Variants in CACNA1I observed in about 807,000 individuals in gnomAD.
CACNA1I encodes the protein voltage-dependent T-type calcium channel subunit alpha-1I.
A neutral mutation model predicts 201.6 loss-of-function variants in CACNA1I; 74 were observed. That is an observed-to-expected ratio of 0.37 (90% CI 0.30 to 0.45). The LOEUF (loss-of-function observed/expected upper bound fraction) is 0.45, where lower values mean the gene tolerates loss of function less well. Ranked by LOEUF, CACNA1I falls within the 20% of genes least tolerant of loss-of-function variation. The probability of loss-of-function intolerance (pLI) is 1.00; values close to 1 mark genes in which losing one functional copy is unlikely to be tolerated. For synonymous variants in CACNA1I, 1,431 were observed against 1,345.2 expected (o/e 1.06, Z -1.40); for missense variants, 2,346 against 3,138.1 (o/e 0.75, Z 6.03).
chr22:39,601,081 C>T (rs1419594429), intron 3 of CACNA1I, among the ~76,000 whole-genome samples: 1 of 152,228 alleles, frequency 6.6e-6, no homozygotes, highest in Non-Finnish European at 1.5e-5. Context: ...GTGGTTATTT[C>T]TACCGAGACA....
At chr22:39,576,964 T>A (rs562472118) in intron 1 of CACNA1I, among the ~76,000 whole-genome samples, 1 of 152,112 alleles carries the variant, frequency 6.6e-6, no homozygotes, top group East Asian at 1.9e-4. Context: ...CTTCTTCTTT[T>A]TTTTTGAGAC....
rs573776488 is a variant in CACNA1I at position 39,666,930 on chromosome 22, GC to G, written c.4104+927del. Among the ~76,000 whole-genome samples, 452 of 152,328 alleles carry G rather than the reference GC, an allele frequency of 3.0e-3. 4 individuals carry two copies. Among genetic ancestry groups the G allele is most frequent in the Non-Finnish European group, 5.0e-3 (341 of 68,026 alleles). On this transcript the variant is annotated intron_variant, in intron 23 of 36. Coordinates refer to ENST00000402142, the MANE Select transcript of CACNA1I (RefSeq NM_021096.4). This position sits in a 1 kb window ranked among gnomAD's most constrained non-coding sequence, Gnocchi z 4.1. ...GGGGAACCAGCCAGCGGCCTTTTGT[GC>G]CCGTGCTCCTGACCCCCTTCACCTA... is the stretch of plus-strand genomic sequence containing the variant.
At chr22:39,623,989 C>T (rs62636244) in intron 4 of CACNA1I, among the ~76,000 whole-genome samples, 55,963 of 140,506 alleles carry the variant, frequency 0.4, 11,349 homozygotes, top group East Asian at 0.9. Flanking sequence ...GGTGTGTGTG[C>T]GCCTCTGAAC....
chr22:39,630,482 G>A (rs1370937545), intron 4 of CACNA1I, among the ~76,000 whole-genome samples: 1 of 152,176 alleles, frequency 6.6e-6, no homozygotes, highest in African/African-American at 2.4e-5. Flanking sequence ...CTTGCTGAGT[G>A]GCTCCATTCA....
At chr22:39,616,852 C>A (rs1313755661) in intron 3 of CACNA1I, among the ~76,000 whole-genome samples, 1 of 152,034 alleles carries the variant, frequency 6.6e-6, no homozygotes, top group Non-Finnish European at 1.5e-5. Flanking sequence ...CAGTCTTGTC[C>A]CCCAGCCTAT....
At chr22:39,679,906 G>A in intron 33 of CACNA1I, 38 bp downstream of exon 33, 1 of 1,590,990 alleles carries the variant, frequency 6.3e-7, no homozygotes. Flanking sequence ...CTTGTGGCAG[G>A]GGCAGCACGA....
intron 4 of CACNA1I, among the ~76,000 whole-genome samples, chr22:39,630,316 T>G (rs1483840946): frequency 6.6e-6 from 1 of 152,224 alleles, no homozygotes; most frequent in East Asian, 1.9e-4. Flanking sequence ...GTATCACCCA[T>G]GTGGTTTATT....
chr22:39,602,597 A>G (rs185344496), intron 3 of CACNA1I, among the ~76,000 whole-genome samples: 352 of 152,076 alleles, frequency 2.3e-3, no homozygotes, highest in Non-Finnish European at 3.5e-3. Flanking sequence ...TCATTTTTCA[A>G]TCTTGCCTGT....
intron 3 of CACNA1I, among the ~76,000 whole-genome samples, chr22:39,610,550 A>C (rs1419376702): frequency 6.6e-6 from 1 of 152,184 alleles, no homozygotes; most frequent in Non-Finnish European, 1.5e-5. Flanking sequence ...CTCTGGCCAC[A>C]GGCTGAGGTG....
chr22:39,578,955 C>G (rs1325606255), intron 1 of CACNA1I, among the ~76,000 whole-genome samples: 8 of 152,206 alleles, frequency 5.3e-5, no homozygotes, highest in African/African-American at 9.6e-5. Flanking sequence ...ACCCCACCAG[C>G]CCCACAAGCC....
At position 39,649,557 on chromosome 22, in the gene CACNA1I, A is replaced by G. The variant is rs938411510; in HGVS notation, c.1624A>G (p.Ile542Val). Residue 542 changes from isoleucine to valine, a missense_variant, in exon 10 of 37, where the codon ATC becomes GTC. Around this residue, in one of 13 missense-constraint regions of CACNA1I, gnomAD observed 312 missense variants for 331.5 expected, o/e 0.94. Coordinates refer to ENST00000402142, the MANE Select transcript of CACNA1I (RefSeq NM_021096.4). This position sits in a 1 kb window ranked among gnomAD's most constrained non-coding sequence, Gnocchi z 7.3. ...GACGCCCCACACCCTGGTGCAGCCC[A>G]TCCCCGCCACGCTGGCTTCCGATCC... is the stretch of plus-strand genomic sequence containing the variant. The part of the protein sequence containing the change: ...DATPHTLVQP[I>V]PATLASDPAS... The G allele has an allele frequency of 2.6e-6, 4 of 1,550,080 alleles. No individual in the cohort carries two copies. The African/African-American group carries it at 4.1e-5, about 16-fold the overall frequency.
chr22:39,644,499 T>C (rs73885298), intron 7 of CACNA1I, among the ~76,000 whole-genome samples: 1,559 of 152,246 alleles, frequency 0.01, 20 homozygotes, highest in African/African-American at 0.035. Context: ...CGATGAGTGC[T>C]GGCGAGAGGC....
rs530634195 is a variant in CACNA1I, at chr22:39,660,547, C to T, written c.2698+110C>T. ...ACCTCAAGCCCAGGCTCAGGGACTG[C>T]TACTTATCTATGGTTTGTTGTTTAC... On this transcript the variant is annotated intron_variant, in intron 15 of 36. Transcript: ENST00000402142. The T allele has an allele frequency of 3.7e-5, 24 of 642,106 alleles. No homozygotes were observed. In the East Asian group the frequency reaches 6.7e-4, roughly 18 times the overall value. The allele number at this position is 642,106 out of a possible 1,614,324, so 39.8% of individuals were successfully genotyped here. A position where few individuals can be genotyped will look rare whatever the true frequency, so the allele number is the denominator to read the frequency against.
chr22:39,675,342 G>A (rs766620463), intron 29 of CACNA1I, among the ~76,000 whole-genome samples: 6 of 152,092 alleles, frequency 3.9e-5, no homozygotes, highest in Non-Finnish European at 8.8e-5. Context: ...GATGGTGAGT[G>A]TGTGGCTCGG....
At chr22:39,669,797 A>G (rs2146462747) in intron 24 of CACNA1I, among the ~76,000 whole-genome samples, 1 of 152,298 alleles carries the variant, frequency 6.6e-6, no homozygotes, top group Middle Eastern at 3.4e-3. Context: ...AAGAAGACAG[A>G]TGTTTCCAGG....
intron 34 of CACNA1I, 134 bp downstream of exon 34, chr22:39,681,186 G>A: frequency 9.7e-7 from 1 of 1,034,194 alleles, no homozygotes; most frequent in Non-Finnish European, 1.4e-6. Context: ...TTCATCTCCT[G>A]TTGGACAGAT....
At position 39,662,095 on chromosome 22, in the gene CACNA1I, G is replaced by T; in HGVS notation, c.3032G>T (p.Arg1011Leu). 1.3e-6 allele frequency: 2 copies of T among 1,527,390 alleles called. No homozygotes were observed. The highest frequency in any genetic ancestry group is 1.8e-4 in the Middle Eastern group (1 of 5,646). The allele number at this position is 1,527,390 out of a possible 1,614,324, so 94.6% of individuals were successfully genotyped here. Residue 1011 changes from arginine to leucine, a missense_variant, in exon 17 of 37, where the codon CGC (arginine) becomes CTC (leucine). Coordinates refer to ENST00000402142, the MANE Select transcript of CACNA1I (RefSeq NM_021096.4). ...AEHESLLSAE[R>L]GGGARVCEVA... is the part of the protein sequence containing the mutation. Reference sequence around the variant, plus strand: ...CATGAGTCCCTGCTCTCTGCGGAGCGCGGCGGCGGCGCCCGGGTCTGCGAG... The same window carrying T: ...CATGAGTCCCTGCTCTCTGCGGAGCTCGGCGGCGGCGCCCGGGTCTGCGAG...
chr22:39,670,833 A>G lies in CACNA1I; in HGVS notation c.4418A>G (p.Tyr1473Cys). Residue 1473 changes from tyrosine to cysteine, a missense_variant, in exon 26 of 37, where the codon TAT becomes TGT. This residue lies in a region of CACNA1I where 228 missense variants were observed against 395.7 expected (regional missense o/e 0.58). Coordinates refer to ENST00000402142, the MANE Select transcript of CACNA1I (RefSeq NM_021096.4). ...CAGCGGCTGCCCTACTATGCCACCT[A>G]TTGTCACACCCGGCTGCTCATCCAC... ...KAQRLPYYATYCHTRLLIHSM... is the reference protein window; with the variant it reads ...KAQRLPYYATCCHTRLLIHSM... 6.2e-7 allele frequency: 1 copy of G among 1,613,618 alleles called. No individual in the cohort carries two copies. The highest frequency in any genetic ancestry group is 8.5e-7 in the Non-Finnish European group (1 of 1,179,792).
At position 39,609,639 on chromosome 22, in the gene CACNA1I, A is replaced by C. The variant is rs140421444; in HGVS notation, c.482+8986A>C. Among the ~76,000 whole-genome samples, 39 of 152,344 alleles carry C rather than the reference A, an allele frequency of 2.6e-4. No homozygotes were observed. In the East Asian group the frequency reaches 7.5e-3, roughly 29 times the overall value. On this transcript the variant is annotated intron_variant, in intron 3 of 36. Coordinates refer to ENST00000402142, the MANE Select transcript of CACNA1I (RefSeq NM_021096.4). ...CCGGGATCCTTCCCTTCCCTAGTGCATTTGGCCAGAACTGGGTCTGATGGA... is the reference window on the plus strand; with the variant it reads ...CCGGGATCCTTCCCTTCCCTAGTGCCTTTGGCCAGAACTGGGTCTGATGGA...
Sources: gnomAD v4.1 joint callset for allele counts (sites outside exome capture counted in the v4.1 genomes callset) on GRCh38, gnomAD v4.1.1 for gene constraint, gnomAD v4.1.1 regional missense constraint, Gnocchi (gnomAD v3.1) non-coding constraint, MANE v1.5 for transcripts, NCBI Gene and HGNC (gene_info 2026-07-23, HGNC 2026-07-21) for gene names.